The following AFF3 variants were observed in gnomAD, a reference collection of about 807,000 sequenced individuals.
AFF3 encodes AF4/FMR2 family member 3.
Under a neutral mutation model 129.7 loss-of-function variants are expected in AFF3, and 32 were observed. The observed-to-expected ratio is 0.25, with a 90% CI of 0.19 to 0.33. The LOEUF is 0.33. Among genes scored for constraint, AFF3 ranks in the 10% least tolerant of loss-of-function variants. AFF3 has a pLI of 1.00. For missense variants in AFF3, 1,373 were observed against 1,592.0 expected, an observed-to-expected ratio of 0.86 and a Z score of 2.34; for synonymous variants, 644 against 635.4, an observed-to-expected ratio of 1.01 and a Z score of -0.20.
In AFF3 at chr2:99,548,705, C is replaced by T. The variant is rs149181000; in HGVS notation, c.*2769G>A. ...CTGCAGGGAGCCATGATCGCGCCAC[C>T]GCATTCCAGCTTGGGCTACAGAGCC... On this transcript the variant is annotated 3_prime_UTR_variant, in exon 25 of 25. Coordinates refer to ENST00000672756, the MANE Select transcript of AFF3 (RefSeq NM_001386135.1). 1,734 of 226,868 alleles carry T rather than the reference C, an allele frequency of 7.6e-3. 10 individuals carry two copies. The highest frequency in any genetic ancestry group is 0.011 in the Non-Finnish European group (1,288 of 114,056). 14.1% of individuals were successfully genotyped at this position (226,868 alleles called of 1,614,324 possible).
chr2:100,024,100 C>T (rs1325548085), intron 4 of AFF3, among the ~76,000 whole-genome samples: 1 of 151,446 alleles, frequency 6.6e-6, no homozygotes, highest in Non-Finnish European at 1.5e-5. Flanking sequence ...GGCGTGGTGG[C>T]GGGCGCCTGT....
At chr2:99,876,886 C>CT (rs1241583664) in intron 7 of AFF3, among the ~76,000 whole-genome samples, 1 of 152,126 alleles carries the variant, frequency 6.6e-6, no homozygotes, top group Non-Finnish European at 1.5e-5. Flanking sequence ...TTTCAGCTCT[C>CT]TAAGTCATCC....
At chr2:99,791,131 T>G (rs528733472) in intron 8 of AFF3, among the ~76,000 whole-genome samples, 1 of 152,308 alleles carries the variant, frequency 6.6e-6, no homozygotes, top group Admixed American at 6.5e-5. Flanking sequence ...GGCACTTCAG[T>G]GATCATGTTG....
intron 19 of AFF3, among the ~76,000 whole-genome samples, chr2:99,566,406 G>A (rs1169739487): frequency 1.3e-5 from 2 of 151,960 alleles, no homozygotes; most frequent in Admixed American, 1.3e-4. Flanking sequence ...TTTTTGGTTG[G>A]GCCTGGCGGC....
At chr2:99,942,376 T>C (rs570071524) in intron 7 of AFF3, among the ~76,000 whole-genome samples, 12 of 151,594 alleles carry the variant, frequency 7.9e-5, no homozygotes, top group African/African-American at 2.7e-4. Flanking sequence ...AGTTAGAGGG[T>C]GGACAAGAAA....
chr2:100,042,138 C>T (rs1458841332), intron 4 of AFF3, among the ~76,000 whole-genome samples: 1 of 152,094 alleles, frequency 6.6e-6, no homozygotes, highest in Admixed American at 6.6e-5. Flanking sequence ...TGTTCTTTGT[C>T]TCTTGAACAA....
In AFF3 at chr2:99,634,006, C is replaced by G. The variant is rs373237266; in HGVS notation, c.1184+15620G>C. Among the ~76,000 whole-genome samples the G allele has an allele frequency of 1.9e-4, 28 of 151,138 alleles. No individual in the cohort carries two copies. In the East Asian group the frequency reaches 4.1e-3, roughly 22 times the overall value. ...CTCAGCTCGCTGCCTCCTCCGCCTC[C>G]TGGGTTCAAGTGATTCTCCTGCCTC... On this transcript the variant is annotated intron_variant, in intron 13 of 24. Transcript: ENST00000672756.
chr2:99,561,258 G>C (rs1429317245), intron 20 of AFF3, among the ~76,000 whole-genome samples: 1 of 152,178 alleles, frequency 6.6e-6, no homozygotes, highest in Admixed American at 6.5e-5. Context: ...CTAAGATAGC[G>C]TTTGTAAAGC....
At chr2:99,634,759 T>C (rs1683459298) in intron 13 of AFF3, among the ~76,000 whole-genome samples, 1 of 151,884 alleles carries the variant, frequency 6.6e-6, no homozygotes, top group African/African-American at 2.4e-5. Context: ...TCATCTTCTA[T>C]ATTTAAGTGC....
At chr2:99,806,472 T>G (rs1266186644) in intron 8 of AFF3, among the ~76,000 whole-genome samples, 1 of 152,110 alleles carries the variant, frequency 6.6e-6, no homozygotes, top group Non-Finnish European at 1.5e-5. Context: ...TGGAGGAGGA[T>G]GAGGACCCCT....
At chr2:99,723,246 G>A (rs145734223) in intron 11 of AFF3, among the ~76,000 whole-genome samples, 5 of 152,168 alleles carry the variant, frequency 3.3e-5, no homozygotes, top group East Asian at 3.9e-4. Context: ...AGGATTACTC[G>A]GGTGTTGTCC....
chr2:100,104,798 AGCCGCC>A (rs1161664536), intron 3 of AFF3: 292 of 616,494 alleles, frequency 4.7e-4, no homozygotes, highest in Non-Finnish European at 4.9e-4. Flanking sequence ...CCGCTGCTGC[AGCCGCC>A]GCCGCCGCCG....
intron 11 of AFF3, among the ~76,000 whole-genome samples, chr2:99,680,437 A>G (rs1331153711): frequency 6.6e-6 from 1 of 152,234 alleles, no homozygotes; most frequent in African/African-American, 2.4e-5. Flanking sequence ...GGCAGACAGC[A>G]GAGGACAGGT....
intron 10 of AFF3, among the ~76,000 whole-genome samples, chr2:99,729,503 T>A (rs1221992767): frequency 6.6e-6 from 1 of 152,100 alleles, no homozygotes; most frequent in Non-Finnish European, 1.5e-5. Context: ...GGGGGAAAAG[T>A]AAGCTGGTCA....
chr2:99,893,463 C>T (rs367560928), intron 7 of AFF3, among the ~76,000 whole-genome samples: 3 of 152,096 alleles, frequency 2.0e-5, no homozygotes, highest in Non-Finnish European at 2.9e-5. Context: ...GGAGGTAATT[C>T]GGGTTGGATC....
intron 4 of AFF3, among the ~76,000 whole-genome samples, chr2:100,074,546 A>T (rs1022674425): frequency 1.3e-5 from 2 of 152,218 alleles, no homozygotes; most frequent in Admixed American, 1.3e-4. Context: ...TGACTTAAAA[A>T]ATGGTTTGTT....
At chr2:100,117,616 C>G (rs1293589281) in intron 2 of AFF3, among the ~76,000 whole-genome samples, 2 of 152,182 alleles carry the variant, frequency 1.3e-5, no homozygotes, top group Non-Finnish European at 2.9e-5. Flanking sequence ...GTCTATTTCT[C>G]CTATCTGTTG....
At position 99,975,987 on chromosome 2, in the gene AFF3, G is replaced by C. The variant is rs541416765; in HGVS notation, c.873+30645C>G. On this transcript the variant is annotated intron_variant, in intron 7 of 24. Transcript: ENST00000672756. ...CCCAAGAAGGTGACAGATGTACCCA[G>C]GTCCCCACAACCAGCCAGTGGCAGA... Among the ~76,000 whole-genome samples the C allele has an allele frequency of 4.7e-4, 71 of 151,904 alleles. 1 individual carries two copies. The highest frequency in any genetic ancestry group is 6.6e-4 in the Non-Finnish European group (45 of 67,996).
At chr2:99,561,371 CTT>C (rs919257008) in intron 20 of AFF3, among the ~76,000 whole-genome samples, 2 of 152,336 alleles carry the variant, frequency 1.3e-5, no homozygotes, top group African/African-American at 4.8e-5. Flanking sequence ...AGTGTTATCT[CTT>C]TGCATAATTT....
Sources: gnomAD v4.1 joint callset for allele counts (sites outside exome capture counted in the v4.1 genomes callset) on GRCh38, gnomAD v4.1.1 for gene constraint, MANE v1.5 for transcripts, NCBI Gene and HGNC (gene_info 2026-07-23, HGNC 2026-07-21) for gene names.